The following RAVER1 variants were observed in gnomAD, a reference collection of about 807,000 sequenced individuals.
RAVER1 encodes the protein ribonucleoprotein PTB-binding 1.
Under a neutral mutation model 68.4 loss-of-function variants are expected in RAVER1, and 36 were observed. That is an observed-to-expected ratio of 0.53 (90% CI 0.40 to 0.70). The LOEUF (loss-of-function observed/expected upper bound fraction) is 0.70, where lower values mean the gene tolerates loss of function less well. Ranked by LOEUF, RAVER1 falls within the 30% of genes least tolerant of loss-of-function variation. The probability of loss-of-function intolerance (pLI) is 0.00; values close to 1 mark genes in which losing one functional copy is unlikely to be tolerated. For missense variants in RAVER1, 933 were observed against 1,019.8 expected, an observed-to-expected ratio of 0.91 and a Z score of 1.16; for synonymous variants, 469 against 472.7, an observed-to-expected ratio of 0.99 and a Z score of 0.10.
At chr19:10,327,902 C>A (rs2040486098) in intron 3 of RAVER1, among the ~76,000 whole-genome samples, 1 of 152,200 alleles carries the variant, frequency 6.6e-6, no homozygotes. Flanking sequence ...GAGGCACACA[C>A]ACAGAAGTGC....
chr19:10,318,357 T>C lies in RAVER1; in HGVS notation c.1861A>G (p.Ser621Gly). The C allele has an allele frequency of 1.2e-6, 2 of 1,600,716 alleles. No homozygotes were observed. The highest frequency in any genetic ancestry group is 1.7e-6 in the Non-Finnish European group (2 of 1,175,298). The change falls in exon 11 of 13, where the codon AGT becomes GGT. Residue 621 changes from serine to glycine, a missense_variant. Ser to Gly is a moderately conservative substitution (Grantham distance 56). This residue lies in a region of RAVER1 where 699 missense variants were observed against 731.1 expected (regional missense o/e 0.96). Coordinates refer to ENST00000617231, the MANE Select transcript of RAVER1 (RefSeq NM_133452.3). ...CCGCTGCTCCGTTCGCCGAAGCCAC[T>C]GGGCGGGGGGGACATCTGTAGAAGA... ...PSRHKMSPPP[S>G]GFGERSSGGS...
rs567889281 is a variant in RAVER1 at position 10,317,554 on chromosome 19, G to A, written c.2120C>T (p.Ser707Leu). 7 of 1,612,956 alleles carry A rather than the reference G, an allele frequency of 4.3e-6. No homozygotes were observed. The highest frequency in any genetic ancestry group is 4.0e-5 in the African/African-American group (3 of 74,998). ...GCTGCCTTCTGGGCTGGGCTCGGGC[G>A]AGGGCAGCAGGTGGGCAAAGCTGCG... The part of the protein sequence containing the change: ...QKRSFAHLLP[S>L]PEPSPEGSYV... Residue 707 changes from serine to leucine, a missense_variant, in exon 13 of 13, where the codon TCG (serine) becomes TTG (leucine). Coordinates refer to ENST00000617231, the MANE Select transcript of RAVER1 (RefSeq NM_133452.3). The surrounding 1 kb of genome is among the most constrained non-coding windows in gnomAD (Gnocchi z 4.3).
chr19:10,327,135 G>A (rs1449267811), intron 3 of RAVER1, among the ~76,000 whole-genome samples: 2 of 151,964 alleles, frequency 1.3e-5, no homozygotes, highest in African/African-American at 4.8e-5. Context: ...TGAACTCCTG[G>A]TCTCGAGTGA....
At chr19:10,320,557 C>T (rs1400280985) in intron 9 of RAVER1, 98 bp downstream of exon 9, 2 of 1,137,492 alleles carry the variant, frequency 1.8e-6, no homozygotes, top group African/African-American at 1.7e-5. Context: ...TCCCTGCCGC[C>T]TCCCTAGCAC....
rs938696343 is a variant in RAVER1, at chr19:10,330,512, C to A, written c.234G>T (p.Leu78=). 2.6e-6 allele frequency: 4 copies of A among 1,511,864 alleles called. No homozygotes were observed. In the Admixed American group the frequency reaches 7.5e-5, roughly 28 times the overall value. The allele number at this position is 1,511,864 out of a possible 1,614,324, so 93.7% of individuals were successfully genotyped here. A position where few individuals can be genotyped will look rare whatever the true frequency, so the allele number is the denominator to read the frequency against. ...AGTATTTGAGCTCATAGTCACTGAG[C>A]AGGTCATGTACTTCCTGTGGAGATA... ...GDVTNQEVHD[L]LSDYELKYCF... is the part of the protein sequence containing the mutation. Residue 78 remains leucine (L), a synonymous_variant, in exon 2 of 13, where the codon CTG becomes CTT. Transcript: ENST00000617231.
intron 9 of RAVER1, among the ~76,000 whole-genome samples, chr19:10,320,032 G>A (rs992619658): frequency 2.6e-5 from 4 of 152,094 alleles, no homozygotes; most frequent in Non-Finnish European, 5.9e-5. Context: ...GGGAGAGAGG[G>A]ATAGAAAGGG....
At position 10,333,490 on chromosome 19, in the gene RAVER1, G is replaced by T. The variant is rs35633871; in HGVS notation, c.18C>A (p.Ser6=). The T allele has an allele frequency of 6.2e-7, 1 of 1,602,712 alleles. No individual in the cohort carries two copies. The highest frequency in any genetic ancestry group is 8.5e-7 in the Non-Finnish European group (1 of 1,175,036). The change falls in exon 1 of 13, where the codon TCC becomes TCA. Residue 6 remains serine (S), a synonymous_variant. Coordinates refer to ENST00000617231, the MANE Select transcript of RAVER1 (RefSeq NM_133452.3). This position sits in a 1 kb window ranked among gnomAD's most constrained non-coding sequence, Gnocchi z 4.2. MAADV[S]VTHRPPLSPK... is the part of the protein sequence containing the mutation. Reference sequence around the variant, plus strand: ...GGCTCAGCGGGGGCCGGTGAGTAACGGACACGTCCGCCGCCATCTTGGGAA... The same window carrying T: ...GGCTCAGCGGGGGCCGGTGAGTAACTGACACGTCCGCCGCCATCTTGGGAA...
chr19:10,326,915 C>T (rs765916686), intron 3 of RAVER1, among the ~76,000 whole-genome samples: 27 of 151,888 alleles, frequency 1.8e-4, no homozygotes, highest in Admixed American at 9.2e-4. Context: ...TACAGGCCTG[C>T]ACCACCACAC....
Position 10,328,550 on chromosome 19 carries a change from A to G in RAVER1, c.756+92T>C. On this transcript the variant is annotated intron_variant, in intron 3 of 12. Transcript: ENST00000617231. This position sits in a 1 kb window ranked among gnomAD's most constrained non-coding sequence, Gnocchi z 4.4. The stretch of plus-strand genomic sequence containing the variant: ...ATGGGTGACAAAGTGAGACTGTCTC[A>G]AAAAAAAAAAAGAAAAGGCAGATGA... The G allele has an allele frequency of 2.8e-6, 1 of 361,500 alleles. No homozygotes were observed. Among genetic ancestry groups the G allele is most frequent in the Non-Finnish European group, 4.3e-6 (1 of 231,964 alleles). The allele number at this position is 361,500 out of a possible 1,614,324, so 22.4% of individuals were successfully genotyped here.
At position 10,328,837 on chromosome 19, in the gene RAVER1, G is replaced by A. The variant is rs2040493914; in HGVS notation, c.561C>T (p.Ala187=). 2 of 1,613,166 alleles carry A rather than the reference G, an allele frequency of 1.2e-6. No homozygotes were observed. The highest frequency in any genetic ancestry group is 1.1e-5 in the South Asian group (1 of 91,090). Residue 187 remains alanine (A), a synonymous_variant, in exon 3 of 13, where the codon GCC becomes GCT. Coordinates refer to ENST00000617231, the MANE Select transcript of RAVER1 (RefSeq NM_133452.3). This position sits in a 1 kb window ranked among gnomAD's most constrained non-coding sequence, Gnocchi z 4.4. ...FAEYMKKDSA[A]RAKSDLLGKP... is the part of the protein sequence containing the mutation. Reference sequence around the variant, plus strand: ...TGCCCAGCAGGTCCGACTTGGCACGGGCAGCCGAGTCCTTCTTCATGTACT... The same window carrying A: ...TGCCCAGCAGGTCCGACTTGGCACGAGCAGCCGAGTCCTTCTTCATGTACT...
At chr19:10,330,318 A>T in intron 2 of RAVER1, 142 bp downstream of exon 2, 1 of 582,624 alleles carries the variant, frequency 1.7e-6, no homozygotes, top group Non-Finnish European at 3.1e-6. Flanking sequence ...TGACAGGATG[A>T]CAGGCAGATT....
intron 11 of RAVER1, 84 bp downstream of exon 11, chr19:10,318,145 C>T (rs1307710433): frequency 3.9e-6 from 5 of 1,276,584 alleles, no homozygotes; most frequent in Admixed American, 2.7e-5. Flanking sequence ...GCCTGGGCAC[C>T]GAGGGTTACA....
At chr19:10,330,390 A>G (rs2040505527) in intron 2 of RAVER1, 70 bp downstream of exon 2, 2 of 758,810 alleles carry the variant, frequency 2.6e-6, no homozygotes, top group Non-Finnish European at 4.7e-6. Flanking sequence ...AGCAGCAGAC[A>G]GTGAGCCAGG....
At chr19:10,319,636 G>A (rs182007611) in intron 9 of RAVER1, among the ~76,000 whole-genome samples, 7 of 151,680 alleles carry the variant, frequency 4.6e-5, no homozygotes, top group African/African-American at 9.7e-5. Context: ...AGGCTGGAGT[G>A]TAATGGCACA....
At chr19:10,318,591 C>A (rs751131416) in intron 10 of RAVER1, among the ~76,000 whole-genome samples, 7 of 152,138 alleles carry the variant, frequency 4.6e-5, no homozygotes, top group Non-Finnish European at 8.8e-5. Flanking sequence ...CACTCACGAC[C>A]TCAGGTGATC....
chr19:10,318,865 C>T (rs149594715), intron 10 of RAVER1, among the ~76,000 whole-genome samples: 1 of 152,316 alleles, frequency 6.6e-6, no homozygotes, highest in African/African-American at 2.4e-5. Flanking sequence ...CCGCCCACTG[C>T]CCCATAGAGT....
intron 9 of RAVER1, among the ~76,000 whole-genome samples, chr19:10,320,327 G>A (rs1377998107): frequency 1.3e-5 from 2 of 151,746 alleles, no homozygotes; most frequent in African/African-American, 2.4e-5. Context: ...AACACAATGA[G>A]ACTCCGTCTC....
chr19:10,318,317 C>A lies in RAVER1; in HGVS notation c.1901G>T (p.Gly634Val). 5.0e-6 allele frequency: 8 copies of A among 1,598,282 alleles called. No individual in the cohort carries two copies. The highest frequency in any genetic ancestry group is 5.1e-6 in the Non-Finnish European group (6 of 1,173,686). The change falls in exon 11 of 13, where the codon GGC becomes GTC. Residue 634 changes from glycine to valine, a missense_variant. By Grantham distance (109) the Gly-to-Val change is moderately radical (BLOSUM62 -3). Transcript: ENST00000617231. ...GERSSGGSGG[G>V]PLSHFYSGSP... Reference sequence around the variant, plus strand: ...GCCTGAATAGAAGTGAGACAGGGGGCCCCCGCCACTCCCACCGCTGCTCCG... The same window carrying A: ...GCCTGAATAGAAGTGAGACAGGGGGACCCCGCCACTCCCACCGCTGCTCCG...
In RAVER1 at chr19:10,320,998, C is replaced by T. The variant is rs2040432558; in HGVS notation, c.1474-47G>A. ...CGAGAGGGCCCCCGGGAGAGGGAAC[C>T]CTGCGGAACAGGAGGCTGGTGTGGT... On this transcript the variant is annotated intron_variant, in intron 8 of 12. Transcript: ENST00000617231. 3.4e-6 allele frequency: 5 copies of T among 1,481,576 alleles called. No homozygotes were observed. The East Asian group carries it at 1.3e-4, about 38-fold the overall frequency. The allele number at this position is 1,481,576 out of a possible 1,614,324, so 91.8% of individuals were successfully genotyped here. A position where few individuals can be genotyped will look rare whatever the true frequency, so the allele number is the denominator to read the frequency against.
Sources: gnomAD v4.1 joint callset for allele counts (sites outside exome capture counted in the v4.1 genomes callset) on GRCh38, gnomAD v4.1.1 for gene constraint, gnomAD v4.1.1 regional missense constraint, Gnocchi (gnomAD v3.1) non-coding constraint, MANE v1.5 for transcripts, NCBI Gene and HGNC (gene_info 2026-07-23, HGNC 2026-07-21) for gene names.